Variants in MN1 observed in about 807,000 individuals in gnomAD.
MN1 encodes MN1 proto-oncogene, transcriptional regulator.
A neutral mutation model predicts 86.9 loss-of-function variants in MN1; 19 were observed. That is an observed-to-expected ratio of 0.22 (90% CI 0.15 to 0.32). The LOEUF is 0.32. Ranked by LOEUF, MN1 falls within the 10% of genes least tolerant of loss-of-function variation. MN1 has a pLI of 1.00. For missense variants in MN1, 1,841 were observed against 1,862.0 expected (o/e 0.99, Z 0.21); for synonymous variants, 928 against 849.6 (o/e 1.09, Z -1.60).
chr22:27,783,888 GA>G (rs2146308264), intron 1 of MN1, among the ~76,000 whole-genome samples: 1 of 152,310 alleles, frequency 6.6e-6, no homozygotes, highest in South Asian at 2.1e-4. Context: ...CCCAGGCAGG[GA>G]AAACTGGGTC....
Position 27,798,438 on chromosome 22 carries a change from G to A in MN1, c.2106C>T (p.Phe702=), listed in dbSNP as rs1269750972. Residue 702 remains phenylalanine, a synonymous_variant, in exon 1 of 2, where the codon TTC becomes TTT. Coordinates refer to ENST00000302326, the MANE Select transcript of MN1 (RefSeq NM_002430.3). Reference sequence around the variant, plus strand: ...GACCCAGGCCTCCCAGACTGCCCCCGAACTGCAGGCCCGGTGAAGGCAGCG... The same window carrying A: ...GACCCAGGCCTCCCAGACTGCCCCCAAACTGCAGGCCCGGTGAAGGCAGCG... ...VPALPSPGLQ[F]GGSLGGLGQL... The A allele has an allele frequency of 5.1e-6, 8 of 1,557,098 alleles. No homozygotes were observed. In the South Asian group the frequency reaches 9.4e-5, roughly 18 times the overall value.
intron 1 of MN1, among the ~76,000 whole-genome samples, chr22:27,751,489 G>C (rs45603340): frequency 6.6e-6 from 1 of 152,002 alleles, no homozygotes; most frequent in East Asian, 1.9e-4. Context: ...GTAGGAGTTC[G>C]CCGCATGCAG....
chr22:27,799,713 G>A lies in MN1; in HGVS notation c.831C>T (p.Pro277=). 6.4e-7 allele frequency: 1 copy of A among 1,568,114 alleles called. No individual in the cohort carries two copies. The highest frequency in any genetic ancestry group is 1.9e-5 in the Admixed American group (1 of 53,388). ...ACAAGCCCACCATGCCCGCAGCTCTGGGCATGGCCGAGGCGCCCGGGAAAG... is the reference window on the plus strand; with the variant it reads ...ACAAGCCCACCATGCCCGCAGCTCTAGGCATGGCCGAGGCGCCCGGGAAAG... The part of the protein sequence containing the change: ...GGAFPGASAM[P]RAAGMVGLSK... The change falls in exon 1 of 2, where the codon CCC becomes CCT. Residue 277 remains proline (P), a synonymous_variant. Transcript: ENST00000302326.
chr22:27,763,450 A>C (rs1418779381), intron 1 of MN1, among the ~76,000 whole-genome samples: 1 of 152,204 alleles, frequency 6.6e-6, no homozygotes, highest in Non-Finnish European at 1.5e-5. Context: ...CAGAGGCCTG[A>C]GTTTGAAATC....
intron 1 of MN1, among the ~76,000 whole-genome samples, chr22:27,766,036 C>G (rs561588070): frequency 1.3e-5 from 2 of 152,316 alleles, no homozygotes; most frequent in African/African-American, 4.8e-5. Flanking sequence ...CAAACAACCC[C>G]CAACTTGCTT....
At chr22:27,775,687 T>A (rs924129714) in intron 1 of MN1, among the ~76,000 whole-genome samples, 2 of 152,170 alleles carry the variant, frequency 1.3e-5, no homozygotes, top group Non-Finnish European at 1.5e-5. Flanking sequence ...ACCCCAGATG[T>A]GATTTGTAGC....
chr22:27,792,863 C>T (rs1282852844), intron 1 of MN1, among the ~76,000 whole-genome samples: 1 of 152,110 alleles, frequency 6.6e-6, no homozygotes, highest in Non-Finnish European at 1.5e-5. Context: ...GAAAACAGTG[C>T]TTTGCTCTGA....
At position 27,773,907 on chromosome 22, in the gene MN1, G is replaced by C. The variant is rs45469999; in HGVS notation, c.3782-22811C>G. ...TGAACTCAGGTGATCCACCTGCCTT[G>C]CCTCCCAAAGTGTTGGGATTACAGG... On this transcript the variant is annotated intron_variant, in intron 1 of 1. Coordinates refer to ENST00000302326, the MANE Select transcript of MN1 (RefSeq NM_002430.3). Among the ~76,000 whole-genome samples, 1,295 of 152,240 alleles carry C rather than the reference G, an allele frequency of 8.5e-3. 21 individuals are homozygous for C. Among genetic ancestry groups the C allele is most frequent in the African/African-American group, 0.029 (1,216 of 41,556 alleles).
intron 1 of MN1, among the ~76,000 whole-genome samples, chr22:27,755,613 T>C (rs922592971): frequency 6.6e-6 from 1 of 152,226 alleles, no homozygotes; most frequent in Non-Finnish European, 1.5e-5. Flanking sequence ...AAATCCTCGC[T>C]GATCTTCCGG....
Position 27,800,846 on chromosome 22 carries a change from C to A in MN1, c.-303G>T, listed in dbSNP as rs1409959596. On this transcript the variant is annotated 5_prime_UTR_variant, in exon 1 of 2. Coordinates refer to ENST00000302326, the MANE Select transcript of MN1 (RefSeq NM_002430.3). ...GTTGTCACAGCCGCGGGTGGGTCTGCGGGGAGGGGACGAAGCCGCGGATGA... is the reference window on the plus strand; with the variant it reads ...GTTGTCACAGCCGCGGGTGGGTCTGAGGGGAGGGGACGAAGCCGCGGATGA... The A allele has an allele frequency of 2.8e-5, 7 of 254,278 alleles. No homozygotes were observed. The highest frequency in any genetic ancestry group is 6.1e-5 in the Admixed American group (1 of 16,508). 15.8% of individuals were successfully genotyped at this position (254,278 alleles called of 1,614,324 possible).
At position 27,799,062 on chromosome 22, in the gene MN1, T is replaced by A. The variant is rs370502036; in HGVS notation, c.1482A>T (p.Leu494=). The change falls in exon 1 of 2, where the codon CTA becomes CTT. Residue 494 remains leucine, a synonymous_variant. Coordinates refer to ENST00000302326, the MANE Select transcript of MN1 (RefSeq NM_002430.3). The stretch of plus-strand genomic sequence containing the variant: ...GCACAGGCGGTGTGAACTCGCCGGG[T>A]AGGCCTGGGTAGGCGGAAGGGGAGA... The part of the protein sequence containing the change: ...NHLSPSAYPG[L]PGEFTPPVPD... 3.1e-6 allele frequency: 5 copies of A among 1,609,664 alleles called. No individual in the cohort carries two copies. The highest frequency in any genetic ancestry group is 4.2e-6 in the Non-Finnish European group (5 of 1,177,494).
chr22:27,769,430 T>C (rs16985534), intron 1 of MN1, among the ~76,000 whole-genome samples: 3,158 of 152,134 alleles, frequency 0.021, 108 homozygotes, highest in African/African-American at 0.072. Flanking sequence ...CCCAGCATGT[T>C]TCCCCCATTA....
chr22:27,796,657 T>C (rs996263976), intron 1 of MN1, 106 bp downstream of exon 1: 5 of 1,177,336 alleles, frequency 4.2e-6, no homozygotes, highest in South Asian at 1.5e-5. Context: ...TTAGGAGGGT[T>C]TGTGCCCTCC....
intron 1 of MN1, among the ~76,000 whole-genome samples, chr22:27,783,338 G>A (rs1933079260): frequency 6.6e-6 from 1 of 152,032 alleles, no homozygotes; most frequent in Admixed American, 6.6e-5. Flanking sequence ...TACCATGTTG[G>A]CCATGCTGGT....
chr22:27,795,905 AG>A (rs770743098), intron 1 of MN1, among the ~76,000 whole-genome samples: 89 of 152,246 alleles, frequency 5.8e-4, no homozygotes, highest in African/African-American at 1.2e-3. Context: ...CCTGGTGGGG[AG>A]GGGGTGCTTA....
At position 27,799,078 on chromosome 22, in the gene MN1, G is replaced by A. The variant is rs1161856749; in HGVS notation, c.1466C>T (p.Ser489Phe). The stretch of plus-strand genomic sequence containing the variant: ...CTCGCCGGGTAGGCCTGGGTAGGCG[G>A]AAGGGGAGAGGTGATTATCCAGAGC... ...NGALDNHLSP[S>F]AYPGLPGEFT... Residue 489 changes from serine to phenylalanine, a missense_variant, in exon 1 of 2, where the codon TCC becomes TTC. Physicochemically the swap from Ser to Phe is radical, Grantham distance 155. Coordinates refer to ENST00000302326, the MANE Select transcript of MN1 (RefSeq NM_002430.3). The A allele has an allele frequency of 6.2e-7, 1 of 1,608,942 alleles. No individual in the cohort carries two copies. The highest frequency in any genetic ancestry group is 8.5e-7 in the Non-Finnish European group (1 of 1,176,742).
At chr22:27,784,579 G>A (rs1933097000) in intron 1 of MN1, among the ~76,000 whole-genome samples, 2 of 152,000 alleles carry the variant, frequency 1.3e-5, no homozygotes, top group South Asian at 2.1e-4. Context: ...TTCATTAGGG[G>A]GAAAATATAA....
intron 1 of MN1, among the ~76,000 whole-genome samples, chr22:27,775,693 G>A (rs1245099317): frequency 6.6e-6 from 1 of 152,176 alleles, no homozygotes; most frequent in Non-Finnish European, 1.5e-5. Flanking sequence ...GATGTGATTT[G>A]TAGCTTAAAA....
At chr22:27,766,819 C>T (rs1014349011) in intron 1 of MN1, among the ~76,000 whole-genome samples, 8 of 152,174 alleles carry the variant, frequency 5.3e-5, no homozygotes, top group Admixed American at 2.6e-4. Context: ...CACCAGACCC[C>T]CTCCTCGTCC....
Sources: gnomAD v4.1 joint callset for allele counts (sites outside exome capture counted in the v4.1 genomes callset) on GRCh38, gnomAD v4.1.1 for gene constraint, MANE v1.5 for transcripts, NCBI Gene and HGNC (gene_info 2026-07-23, HGNC 2026-07-21) for gene names.